FLNB: variants seen among roughly 807,000 people sequenced by gnomAD.
FLNB encodes filamin-B.
FLNB carries 111 observed loss-of-function variants against 250.6 expected under a neutral mutation model. That is an observed-to-expected ratio of 0.44 (90% CI 0.38 to 0.52). The LOEUF (loss-of-function observed/expected upper bound fraction) is 0.52. Ranked by LOEUF, FLNB falls within the 20% of genes least tolerant of loss-of-function variation. The pLI, the probability that FLNB is intolerant of heterozygous loss-of-function variation, is 0.00. For missense variants in FLNB, 2,869 were observed against 3,447.8 expected (o/e 0.83, Z 4.20); for synonymous variants, 1,302 against 1,372.1 (o/e 0.95, Z 1.13).
chr3:58,020,477 G>C (rs1453283953), intron 1 of FLNB, among the ~76,000 whole-genome samples: 1 of 152,178 alleles, frequency 6.6e-6, no homozygotes, highest in South Asian at 2.1e-4. Flanking sequence ...AGAGAAAGCT[G>C]GTCCGTCCAG....
intron 1 of FLNB, among the ~76,000 whole-genome samples, chr3:58,025,072 C>T (rs1237653797): frequency 2.0e-5 from 3 of 147,676 alleles, no homozygotes; most frequent in Non-Finnish European, 4.5e-5. Context: ...TCTTTTGTCT[C>T]CTGTAATGTC....
At chr3:58,141,725 G>T (rs529484691) in intron 29 of FLNB, 133 bp from the exon 30 acceptor site, 3 of 852,792 alleles carry the variant, frequency 3.5e-6, no homozygotes, top group Non-Finnish European at 6.0e-6. Flanking sequence ...CAGTAAGAAA[G>T]TGTCCTTCGC....
chr3:58,148,553 C>G lies in FLNB; in HGVS notation c.5888-96C>G, dbSNP rs373994905. On this transcript the variant is annotated intron_variant, in intron 35 of 45. Coordinates refer to ENST00000295956, the MANE Select transcript of FLNB (RefSeq NM_001457.4). Reference sequence around the variant, plus strand: ...ATCGACACTCTGGATTGTTGGGTGTCAGGAAAGAGGACATATTTCTATTTC... The same window carrying G: ...ATCGACACTCTGGATTGTTGGGTGTGAGGAAAGAGGACATATTTCTATTTC... 4.2e-4 allele frequency: 540 copies of G among 1,290,548 alleles called. 2 individuals are homozygous for G. The highest frequency in any genetic ancestry group is 3.7e-3 in the South Asian group (297 of 81,132). 79.9% of individuals were successfully genotyped at this position (1,290,548 alleles called of 1,614,324 possible).
intron 28 of FLNB, among the ~76,000 whole-genome samples, chr3:58,137,155 C>A (rs572140166): frequency 6.6e-6 from 1 of 152,290 alleles, no homozygotes; most frequent in South Asian, 2.1e-4. Context: ...ACAGGACCAC[C>A]CTTGATGTGT....
intron 2 of FLNB, chr3:58,078,370 A>G: frequency 6.7e-7 from 1 of 1,502,104 alleles, no homozygotes; most frequent in Non-Finnish European, 8.8e-7. Flanking sequence ...CTTTTTAGAT[A>G]TATCCAGGAA....
chr3:58,099,952 C>A (rs911439255), intron 8 of FLNB, among the ~76,000 whole-genome samples: 4 of 152,040 alleles, frequency 2.6e-5, no homozygotes, highest in African/African-American at 9.7e-5. Context: ...AGACTCTAGC[C>A]CCATTTAATG....
intron 20 of FLNB, among the ~76,000 whole-genome samples, chr3:58,122,854 C>T (rs1471420337): frequency 2.0e-5 from 3 of 152,098 alleles, no homozygotes; most frequent in African/African-American, 7.2e-5. Flanking sequence ...CTTGGAGGGG[C>T]TGCTCCATGG....
chr3:58,069,255 T>C (rs1284375542), intron 1 of FLNB, among the ~76,000 whole-genome samples: 2 of 128,702 alleles, frequency 1.6e-5, no homozygotes, highest in Non-Finnish European at 3.4e-5. Flanking sequence ...TTTTTTTTTT[T>C]CTGAGATGGA....
At chr3:58,157,578 G>A (rs2097355183) in intron 41 of FLNB, among the ~76,000 whole-genome samples, 1 of 151,564 alleles carries the variant, frequency 6.6e-6, no homozygotes, top group Non-Finnish European at 1.5e-5. Flanking sequence ...TGTTTTTCTT[G>A]TGTTTCATTT....
Position 58,112,338 on chromosome 3 carries a change from T to C in FLNB, c.2745+20T>C. The C allele has an allele frequency of 1.2e-6, 2 of 1,611,628 alleles. No homozygotes were observed. Among genetic ancestry groups the C allele is most frequent in the Non-Finnish European group, 1.7e-6 (2 of 1,179,020 alleles). On this transcript the variant is annotated intron_variant, in intron 18 of 45. Coordinates refer to ENST00000295956, the MANE Select transcript of FLNB (RefSeq NM_001457.4). ...CAACAGGTAGGGTCCTTCTCCCCTCTGCTCCCCTGGCCCCCAGCCAGGCCC... is the reference window on the plus strand; with the variant it reads ...CAACAGGTAGGGTCCTTCTCCCCTCCGCTCCCCTGGCCCCCAGCCAGGCCC...
Position 58,077,302 on chromosome 3 carries a change from G to A in FLNB, c.541+8G>A. On this transcript the variant is annotated splice_region_variant and intron_variant, in intron 2 of 45. Coordinates refer to ENST00000295956, the MANE Select transcript of FLNB (RefSeq NM_001457.4). Reference sequence around the variant, plus strand: ...TAGACAGCTGTGCTCCAGGTAAGTGGCCAGGGCTGCCTAAACCATCTGTCC... The same window carrying A: ...TAGACAGCTGTGCTCCAGGTAAGTGACCAGGGCTGCCTAAACCATCTGTCC... 7 of 1,613,558 alleles carry A rather than the reference G, an allele frequency of 4.3e-6. No homozygotes were observed. Among genetic ancestry groups the A allele is most frequent in the Non-Finnish European group, 3.4e-6 (4 of 1,179,794 alleles).
At chr3:58,125,135 T>C (rs954348672) in intron 22 of FLNB, among the ~76,000 whole-genome samples, 2 of 152,126 alleles carry the variant, frequency 1.3e-5, no homozygotes, top group African/African-American at 2.4e-5. Context: ...ACTGTGGGAT[T>C]GTTTTGTTTT....
chr3:58,056,534 A>G (rs2097170936), intron 1 of FLNB, among the ~76,000 whole-genome samples: 1 of 152,246 alleles, frequency 6.6e-6, no homozygotes, highest in Non-Finnish European at 1.5e-5. Context: ...AACTTTTTAA[A>G]AAAAGTTTTG....
intron 10 of FLNB, among the ~76,000 whole-genome samples, chr3:58,104,369 G>C (rs1194961610): frequency 1.3e-5 from 2 of 152,176 alleles, no homozygotes; most frequent in African/African-American, 4.8e-5. Flanking sequence ...TGTGTGTCTA[G>C]ATGCCCGCAT....
intron 1 of FLNB, among the ~76,000 whole-genome samples, chr3:58,011,617 CAA>C (rs2097099132): frequency 6.6e-6 from 1 of 152,216 alleles, no homozygotes; most frequent in Non-Finnish European, 1.5e-5. Flanking sequence ...TCCTTCAAGG[CAA>C]AGTTACCTCC....
intron 1 of FLNB, among the ~76,000 whole-genome samples, chr3:58,013,319 G>A (rs1402007471): frequency 1.3e-5 from 2 of 152,190 alleles, no homozygotes; most frequent in Non-Finnish European, 1.5e-5. Flanking sequence ...CCAGGCCAGC[G>A]CCAGAGCAGG....
chr3:58,069,653 A>T (rs1275451093), intron 1 of FLNB, among the ~76,000 whole-genome samples: 2 of 151,972 alleles, frequency 1.3e-5, no homozygotes, highest in African/African-American at 4.8e-5. Flanking sequence ...CCTCAGAGCA[A>T]CACCAAGAAC....
Position 58,096,305 on chromosome 3 carries a change from G to A in FLNB, c.984+87G>A, listed in dbSNP as rs947687120. On this transcript the variant is annotated intron_variant, in intron 6 of 45. Coordinates refer to ENST00000295956, the MANE Select transcript of FLNB (RefSeq NM_001457.4). ...CCAGGAAGAAGAGTGTTTTTCTTAA[G>A]TGAATTTCTGATTTTCCTTTCTGAT... is the stretch of plus-strand genomic sequence containing the variant. 5 of 952,900 alleles carry A rather than the reference G, an allele frequency of 5.2e-6. No individual in the cohort carries two copies. In the East Asian group the frequency reaches 1.3e-4, roughly 24 times the overall value. 59.0% of individuals were successfully genotyped at this position (952,900 alleles called of 1,614,324 possible).
chr3:58,118,634 T>G (rs2107156131), intron 18 of FLNB, among the ~76,000 whole-genome samples: 1 of 152,354 alleles, frequency 6.6e-6, no homozygotes, highest in South Asian at 2.1e-4. Context: ...GCTTGGTGTG[T>G]AGAAAATGCT....
Sources: gnomAD v4.1 joint callset for allele counts (sites outside exome capture counted in the v4.1 genomes callset) on GRCh38, gnomAD v4.1.1 for gene constraint, MANE v1.5 for transcripts, NCBI Gene and HGNC (gene_info 2026-07-23, HGNC 2026-07-21) for gene names.